SORCS3: variants seen among roughly 807,000 people sequenced by gnomAD.
The protein encoded by SORCS3 is sortilin related VPS10 domain containing receptor 3, also known as VPS10 domain-containing receptor SorCS3.
Under a neutral mutation model 146.3 loss-of-function variants are expected in SORCS3, and 57 were observed. That is an observed-to-expected ratio of 0.39 (90% CI 0.31 to 0.49). The LOEUF (loss-of-function observed/expected upper bound fraction) is 0.49, where lower values mean the gene tolerates loss of function less well. Among genes scored for constraint, SORCS3 ranks in the 20% least tolerant of loss-of-function variants. The pLI is 0.92. For synonymous variants in SORCS3, 653 were observed against 618.5 expected (o/e 1.06, Z -0.83); for missense variants, 1,341 against 1,575.5 (o/e 0.85, Z 2.52).
intron 2 of SORCS3, among the ~76,000 whole-genome samples, chr10:104,883,976 G>GGT (rs768625481): frequency 2.5e-4 from 19 of 75,366 alleles, no homozygotes; most frequent in Admixed American, 7.4e-4. Context: ...GCTGTGGAAT[G>GGT]AGGGGGGGGA....
At chr10:104,833,356 G>A (rs115969656) in intron 1 of SORCS3, among the ~76,000 whole-genome samples, 1,525 of 152,264 alleles carry the variant, frequency 0.01, 27 homozygotes, top group African/African-American at 0.034. Flanking sequence ...GGTAGATTGG[G>A]AACTCAGCAG....
chr10:104,672,256 A>T (rs1200368036), intron 1 of SORCS3, among the ~76,000 whole-genome samples: 1 of 152,152 alleles, frequency 6.6e-6, no homozygotes, highest in Non-Finnish European at 1.5e-5. Flanking sequence ...TTGTTGGCAT[A>T]CAATTGTTCA....
chr10:105,161,997 T>C (rs994482430), intron 11 of SORCS3, among the ~76,000 whole-genome samples: 1 of 151,788 alleles, frequency 6.6e-6, no homozygotes, highest in Non-Finnish European at 1.5e-5. Context: ...GAGGCCCTCC[T>C]CCCGCCCCTG....
At chr10:104,876,777 CCTT>C (rs1372659457) in intron 2 of SORCS3, among the ~76,000 whole-genome samples, 4 of 150,074 alleles carry the variant, frequency 2.7e-5, no homozygotes, top group Non-Finnish European at 5.9e-5. Flanking sequence ...TCCTTCCTTT[CCTT>C]CTTTTCTTTT....
intron 14 of SORCS3, among the ~76,000 whole-genome samples, chr10:105,181,155 T>C (rs2056440283): frequency 6.6e-6 from 1 of 152,200 alleles, no homozygotes; most frequent in African/African-American, 2.4e-5. Context: ...TTTAACAGTA[T>C]ATATGTACTG....
At chr10:105,028,138 G>T (rs916315722) in intron 4 of SORCS3, among the ~76,000 whole-genome samples, 1 of 152,054 alleles carries the variant, frequency 6.6e-6, no homozygotes, top group African/African-American at 2.4e-5. Context: ...GCTTACTTAC[G>T]TATATATAAG....
chr10:104,713,092 G>A (rs1001986040), intron 1 of SORCS3, among the ~76,000 whole-genome samples: 17 of 151,178 alleles, frequency 1.1e-4, no homozygotes, highest in Non-Finnish European at 2.2e-4. Flanking sequence ...ACAGGGCCAG[G>A]CAGTGCAATA....
At chr10:104,666,856 A>T (rs986581101) in intron 1 of SORCS3, among the ~76,000 whole-genome samples, 2 of 152,020 alleles carry the variant, frequency 1.3e-5, no homozygotes, top group Non-Finnish European at 2.9e-5. Context: ...TTCTTATTTC[A>T]TCCTCACAAA....
chr10:105,147,450 C>T (rs747079377), intron 8 of SORCS3, among the ~76,000 whole-genome samples, 167 bp from the exon 9 acceptor site: 6 of 152,102 alleles, frequency 3.9e-5, no homozygotes, highest in Non-Finnish European at 5.9e-5. Flanking sequence ...GAACAGAAAT[C>T]ATGAAGCTTA....
chr10:105,178,352 G>A (rs10884109), intron 14 of SORCS3, among the ~76,000 whole-genome samples, 179 bp downstream of exon 14: 1 of 151,958 alleles, frequency 6.6e-6, no homozygotes, highest in Middle Eastern at 3.2e-3. Flanking sequence ...AAAAGCTACT[G>A]CCAGGATTAG....
At chr10:105,006,295 T>C (rs571189708) in intron 4 of SORCS3, among the ~76,000 whole-genome samples, 24 of 152,166 alleles carry the variant, frequency 1.6e-4, no homozygotes, top group Non-Finnish European at 3.2e-4. Context: ...CTTTTCTTCA[T>C]TTCATACCCT....
chr10:104,718,168 G>GAATA (rs1038060046), intron 1 of SORCS3, among the ~76,000 whole-genome samples: 1 of 150,384 alleles, frequency 6.6e-6, no homozygotes. Flanking sequence ...ATAAATAAAT[G>GAATA]AATAAATAAA....
In SORCS3 at chr10:105,155,244, A is replaced by C. The variant is rs376793572; in HGVS notation, c.1483-1894A>C. Among the ~76,000 whole-genome samples, 39 of 152,326 alleles carry C rather than the reference A, an allele frequency of 2.6e-4. 1 individual carries two copies. In the South Asian group the frequency reaches 8.1e-3, roughly 32 times the overall value. ...TTAACCTGCTCACCTGGAAGATCAC[A>C]AGAGGTTGCTGAGTGGCTGGAATTC... On this transcript the variant is annotated intron_variant, in intron 9 of 26. Coordinates refer to ENST00000369701, the MANE Select transcript of SORCS3 (RefSeq NM_014978.3).
chr10:104,738,359 T>C (rs1589479649), intron 1 of SORCS3, among the ~76,000 whole-genome samples: 1 of 152,346 alleles, frequency 6.6e-6, no homozygotes, highest in East Asian at 1.9e-4. Context: ...CACATATCCA[T>C]GACATTTTAT....
Position 104,641,837 on chromosome 10 carries a change from G to C in SORCS3, c.510G>C (p.Ala170=). ...LAKGSREEVK[A]PRAGGSAAED... is the part of the protein sequence containing the mutation. The stretch of plus-strand genomic sequence containing the variant: ...AGGGTTCCCGGGAGGAGGTGAAGGC[G>C]CCGCGGGCTGGGGGGTCGGCGGCTG... Residue 170 remains alanine, a synonymous_variant, in exon 1 of 27, where the codon GCG becomes GCC. Coordinates refer to ENST00000369701, the MANE Select transcript of SORCS3 (RefSeq NM_014978.3). The surrounding 1 kb of genome is among the most constrained non-coding windows in gnomAD (Gnocchi z 6.4). 1 of 1,563,092 alleles carries C rather than the reference G, an allele frequency of 6.4e-7. No homozygotes were observed. The highest frequency in any genetic ancestry group is 8.6e-7 in the Non-Finnish European group (1 of 1,156,486).
At chr10:104,905,062 C>T (rs768990189) in intron 2 of SORCS3, among the ~76,000 whole-genome samples, 7 of 152,154 alleles carry the variant, frequency 4.6e-5, no homozygotes, top group Non-Finnish European at 8.8e-5. Flanking sequence ...CAAAAGAAAG[C>T]TTAGAAAATA....
Position 105,146,780 on chromosome 10 carries a change from A to T in SORCS3, c.1303-837A>T, listed in dbSNP as rs564030712. The stretch of plus-strand genomic sequence containing the variant: ...GCTCTTCAGTAAAATGGGAATAATC[A>T]TACCACCTCCCTCACAAAATTATTT... On this transcript the variant is annotated intron_variant, in intron 8 of 26. Transcript: ENST00000369701. 2.0e-5 allele frequency among the ~76,000 whole-genome samples: 3 copies of T among 152,248 alleles called. No individual in the cohort carries two copies. In the East Asian group the frequency reaches 5.8e-4, roughly 29 times the overall value.
chr10:104,680,854 C>T (rs7912178), intron 1 of SORCS3, among the ~76,000 whole-genome samples: 37,208 of 152,138 alleles, frequency 0.24, 4,781 homozygotes, highest in South Asian at 0.33. Flanking sequence ...CTCCTGAGAG[C>T]TTCTCTCAAG....
intron 1 of SORCS3, among the ~76,000 whole-genome samples, chr10:104,685,229 T>C (rs1486142878): frequency 6.6e-6 from 1 of 152,186 alleles, no homozygotes; most frequent in African/African-American, 2.4e-5. Context: ...CTAAGCATTG[T>C]AGGAGCACAG....
Sources: gnomAD v4.1 joint callset for allele counts (sites outside exome capture counted in the v4.1 genomes callset) on GRCh38, gnomAD v4.1.1 for gene constraint, Gnocchi (gnomAD v3.1) non-coding constraint, MANE v1.5 for transcripts, NCBI Gene and HGNC (gene_info 2026-07-23, HGNC 2026-07-21) for gene names.